WRNIP1: variants seen among roughly 807,000 people sequenced by gnomAD.
The protein encoded by WRNIP1 is ATPase WRNIP1.
A neutral mutation model predicts 56.1 loss-of-function variants in WRNIP1; 41 were observed. That is an observed-to-expected ratio of 0.73 (90% confidence interval 0.57 to 0.95). WRNIP1 has a LOEUF of 0.95. Ranked by LOEUF, WRNIP1 falls within the 40% of genes least tolerant of loss-of-function variation. The pLI is 0.00. For missense variants in WRNIP1, 1,170 were observed against 939.4 expected, an observed-to-expected ratio of 1.25 and a Z score of -3.21; for synonymous variants, 547 against 398.1, an observed-to-expected ratio of 1.37 and a Z score of -4.45.
intron 3 of WRNIP1, chr6:2,772,862 A>G (rs779720672): frequency 3.8e-5 from 27 of 705,332 alleles, no homozygotes; most frequent in Non-Finnish European, 4.3e-5. Context: ...CCTTGTGCAT[A>G]TAAATCAGAT....
intron 3 of WRNIP1, chr6:2,774,129 G>A (rs1223677349): frequency 8.1e-6 from 8 of 985,214 alleles, no homozygotes; most frequent in Non-Finnish European, 9.6e-6. Context: ...TTGGTATAGA[G>A]TAGATGTCAA....
In WRNIP1 at chr6:2,765,898, C is replaced by CGAGGGCGAGGGCGAG; in HGVS notation, c.287_288insCGAGGAGGGCGAGGG (p.Glu95_Gly99dup). 1 of 1,454,780 alleles carries CGAGGGCGAGGGCGAG rather than the reference C, an allele frequency of 6.9e-7. No individual in the cohort carries two copies. Among genetic ancestry groups the CGAGGGCGAGGGCGAG allele is most frequent in the Non-Finnish European group, 9.0e-7 (1 of 1,105,280 alleles). 90.1% of individuals were successfully genotyped at this position (1,454,780 alleles called of 1,614,324 possible). ...CCACCCCGACGGCAGCCGAGAGCAGCGAGGGCGAGGGTGAGGAGGGCGACG... is the reference window on the plus strand; with the variant it reads ...CCACCCCGACGGCAGCCGAGAGCAGCGAGGGCGAGGGCGAGGAGGGCGAGGGTGAGGAGGGCGACG... On this transcript the variant is annotated inframe_insertion, in exon 1 of 7. Coordinates refer to ENST00000380773, the MANE Select transcript of WRNIP1 (RefSeq NM_020135.3).
chr6:2,773,810 C>G (rs984934003), intron 3 of WRNIP1: 1 of 984,874 alleles, frequency 1.0e-6, no homozygotes, highest in Non-Finnish European at 1.2e-6. Context: ...GTATACAAGT[C>G]TTTGGAGATC....
Position 2,766,281 on chromosome 6 carries a change from A to G in WRNIP1, c.659A>G (p.Gln220Arg). Residue 220 changes from glutamine to arginine, a missense_variant, in exon 1 of 7, where the codon CAG becomes CGG. By Grantham distance (43) the Gln-to-Arg change is conservative. Coordinates refer to ENST00000380773, the MANE Select transcript of WRNIP1 (RefSeq NM_020135.3). ...GCGCTGGCTGCCGAGGAGATCCGAC[A>G]GATGCTACAGGGCAAGCCGCTGGCC... ...PRALAAEEIR[Q>R]MLQGKPLADT... 6.3e-7 allele frequency: 1 copy of G among 1,589,608 alleles called. No homozygotes were observed. The highest frequency in any genetic ancestry group is 8.5e-7 in the Non-Finnish European group (1 of 1,169,612).
chr6:2,773,334 G>T, intron 3 of WRNIP1: 1 of 985,430 alleles, frequency 1.0e-6, no homozygotes, highest in Non-Finnish European at 1.2e-6. Flanking sequence ...TCCACTTCCA[G>T]TGCCACGCTT....
chr6:2,766,797 A>G (rs982018812), intron 1 of WRNIP1, among the ~76,000 whole-genome samples: 1 of 152,048 alleles, frequency 6.6e-6, no homozygotes, highest in Non-Finnish European at 1.5e-5. Context: ...CGAATTCGCA[A>G]GGAATCAGCA....
In WRNIP1 at chr6:2,766,291, G is replaced by T. The variant is rs781757916; in HGVS notation, c.669G>T (p.Gln223His). 1.9e-6 allele frequency: 3 copies of T among 1,601,644 alleles called. No homozygotes were observed. Among genetic ancestry groups the T allele is most frequent in the African/African-American group, 2.7e-5 (2 of 74,574 alleles). ...LAAEEIRQMLQGKPLADTMRP... is the reference protein window; with the variant it reads ...LAAEEIRQMLHGKPLADTMRP... ...CCGAGGAGATCCGACAGATGCTACA[G>T]GGCAAGCCGCTGGCCGACACGATGC... is the stretch of plus-strand genomic sequence containing the variant. Residue 223 changes from glutamine (Q) to histidine (H), a missense_variant, in exon 1 of 7, where the codon CAG becomes CAT. Coordinates refer to ENST00000380773, the MANE Select transcript of WRNIP1 (RefSeq NM_020135.3).
At position 2,765,492 on chromosome 6, in the gene WRNIP1, G is replaced by C; in HGVS notation, c.-131G>C. ...GAGGCATGAGCGGCGCCCTCCTCCG[G>C]CCCGCGAGCGTCCTGCTGGTTCCCC... is the stretch of plus-strand genomic sequence containing the variant. On this transcript the variant is annotated 5_prime_UTR_variant, in exon 1 of 7. Transcript: ENST00000380773. 1 of 1,181,076 alleles carries C rather than the reference G, an allele frequency of 8.5e-7. No homozygotes were observed. Among genetic ancestry groups the C allele is most frequent in the Non-Finnish European group, 1.1e-6 (1 of 935,684 alleles). 73.2% of individuals were successfully genotyped at this position (1,181,076 alleles called of 1,614,324 possible).
rs1369799559 is a variant in WRNIP1 at position 2,786,310 on chromosome 6, C to A, written c.*1028C>A. 3 of 152,402 alleles carry A rather than the reference C, an allele frequency of 2.0e-5. No homozygotes were observed. Among genetic ancestry groups the A allele is most frequent in the Non-Finnish European group, 4.4e-5 (3 of 68,186 alleles). 9.4% of individuals were successfully genotyped at this position (152,402 alleles called of 1,614,324 possible). ...ATGCCCATTTTCTGGATGCTCCATCCCGCCTTACTGGTTTATTCCGCTATT... is the reference window on the plus strand; with the variant it reads ...ATGCCCATTTTCTGGATGCTCCATCACGCCTTACTGGTTTATTCCGCTATT... On this transcript the variant is annotated 3_prime_UTR_variant, in exon 7 of 7. Coordinates refer to ENST00000380773, the MANE Select transcript of WRNIP1 (RefSeq NM_020135.3).
At chr6:2,783,653 T>TTTTTTTTTTCTTGGG in intron 5 of WRNIP1, 92 bp downstream of exon 5, 1 of 119,820 alleles carries the variant, frequency 8.3e-6, no homozygotes, top group African/African-American at 9.0e-5. Context: ...TTTTTTTTTT[T>TTTTTTTTTTCTTGGG]GCAGGGCGGG....
At chr6:2,774,803 GC>G (rs1765395022) in intron 3 of WRNIP1, among the ~76,000 whole-genome samples, 1 of 152,170 alleles carries the variant, frequency 6.6e-6, no homozygotes, top group African/African-American at 2.4e-5. Flanking sequence ...GTTTTGCTTT[GC>G]TTTCACTCTG....
chr6:2,775,636 A>G (rs1404117452), intron 3 of WRNIP1, among the ~76,000 whole-genome samples: 1 of 152,224 alleles, frequency 6.6e-6, no homozygotes, highest in Non-Finnish European at 1.5e-5. Flanking sequence ...AAATTCCAGT[A>G]TTACCCAATG....
Position 2,779,450 on chromosome 6 carries a change from A to C in WRNIP1, c.1444A>C (p.Lys482Gln). 6.2e-7 allele frequency: 1 copy of C among 1,614,208 alleles called. No individual in the cohort carries two copies. Residue 482 changes from lysine to glutamine, a missense_variant, in exon 4 of 7, where the codon AAG becomes CAG. By Grantham distance (53) the Lys-to-Gln change is moderately conservative. Transcript: ENST00000380773. ...SRVLITENDV[K>Q]EGLQRSHILY... ...AGTTCTGATCACAGAGAATGACGTG[A>C]AGGAGGGCCTACAGCGATCCCACAT...
intron 5 of WRNIP1, among the ~76,000 whole-genome samples, chr6:2,783,845 T>C (rs1320035114): frequency 6.6e-6 from 1 of 152,146 alleles, no homozygotes; most frequent in African/African-American, 2.4e-5. Flanking sequence ...GAGTGGCTAT[T>C]CAGAGTATTG....
At position 2,783,969 on chromosome 6, in the gene WRNIP1, G is replaced by A. The variant is rs377590080; in HGVS notation, c.1643-355G>A. ...GACACTATATGAAGAAAAAGATCAG[G>A]AAAGCTCTCCTCTTCTTTGGTCTTA... On this transcript the variant is annotated intron_variant, in intron 5 of 6. Coordinates refer to ENST00000380773, the MANE Select transcript of WRNIP1 (RefSeq NM_020135.3). Among the ~76,000 whole-genome samples, 14 of 152,250 alleles carry A rather than the reference G, an allele frequency of 9.2e-5. No individual in the cohort carries two copies. In the East Asian group the frequency reaches 9.6e-4, roughly 10 times the overall value.
intron 2 of WRNIP1, 93 bp downstream of exon 2, chr6:2,768,975 C>A: frequency 1.6e-6 from 2 of 1,245,062 alleles, no homozygotes; most frequent in Non-Finnish European, 2.2e-6. Context: ...GACTTACGAG[C>A]TTTGTTTACA....
At chr6:2,783,653 T>TTTTTTTATG in intron 5 of WRNIP1, 92 bp downstream of exon 5, 1 of 119,820 alleles carries the variant, frequency 8.3e-6, no homozygotes, top group Non-Finnish European at 1.1e-5. Context: ...TTTTTTTTTT[T>TTTTTTTATG]GCAGGGCGGG....
Position 2,766,279 on chromosome 6 carries a change from A to G in WRNIP1, c.657A>G (p.Arg219=), listed in dbSNP as rs1329561391. 14 of 1,586,786 alleles carry G rather than the reference A, an allele frequency of 8.8e-6. No individual in the cohort carries two copies. In the African/African-American group the frequency reaches 1.2e-4, roughly 14 times the overall value. ...GGGCGCTGGCTGCCGAGGAGATCCG[A>G]CAGATGCTACAGGGCAAGCCGCTGG... ...HPRALAAEEI[R]QMLQGKPLAD... Residue 219 remains arginine, a synonymous_variant, in exon 1 of 7, where the codon CGA becomes CGG. Transcript: ENST00000380773.
At chr6:2,770,082 A>G in intron 2 of WRNIP1, 38 bp from the exon 3 acceptor site, 1 of 1,611,660 alleles carries the variant, frequency 6.2e-7, no homozygotes, top group Non-Finnish European at 8.5e-7. Context: ...GTGGCTGTTG[A>G]CTGGAATCAC....
Sources: allele counts gnomAD v4.1 joint callset (sites outside exome capture counted in the v4.1 genomes callset), GRCh38; gene constraint gnomAD v4.1.1; transcripts MANE v1.5; gene names NCBI Gene and HGNC (gene_info 2026-07-23, HGNC 2026-07-21).